The following GLT1D1 variants were observed in gnomAD, a reference collection of about 807,000 sequenced individuals.
GLT1D1 encodes glycosyltransferase 1 domain-containing protein 1.
A neutral mutation model predicts 28.7 loss-of-function variants in GLT1D1; 21 were observed. The ratio of observed to expected loss-of-function variants is 0.73; its 90% CI spans 0.52 to 1.05. GLT1D1 has a LOEUF of 1.05. GLT1D1 is among the 50% of genes least tolerant of loss of function. The pLI is 0.00. For synonymous variants in GLT1D1, 147 were observed against 124.8 expected (o/e 1.18, Z -1.19); for missense variants, 343 against 330.6 (o/e 1.04, Z -0.29).
chr12:128,907,624 T>A (rs916604915), intron 4 of GLT1D1, among the ~76,000 whole-genome samples: 2 of 152,138 alleles, frequency 1.3e-5, no homozygotes, highest in Admixed American at 1.3e-4. Context: ...TTTTAATAGC[T>A]TCTATGAAGG....
chr12:128,942,765 T>TTTTTC (rs1875483382), intron 4 of GLT1D1, among the ~76,000 whole-genome samples: 1 of 148,296 alleles, frequency 6.7e-6, no homozygotes, highest in Non-Finnish European at 1.5e-5. Flanking sequence ...TGTTTTTTTT[T>TTTTTC]TTTGAGACAG....
At chr12:128,975,539 G>C (rs652606) in intron 7 of GLT1D1, among the ~76,000 whole-genome samples, 80,349 of 151,828 alleles carry the variant, frequency 0.53, 21,502 homozygotes, top group Admixed American at 0.63. Context: ...CAACCTCCAG[G>C]TCCCTGGTTC....
chr12:128,931,015 A>T (rs551772), intron 4 of GLT1D1, among the ~76,000 whole-genome samples: 94,023 of 146,372 alleles, frequency 0.64, 30,156 homozygotes, highest in East Asian at 0.77. Context: ...TTTTTTTTTT[A>T]AAATGAGACG....
Position 128,919,160 on chromosome 12 carries a change from C to T in GLT1D1, c.375+19873C>T, listed in dbSNP as rs78207431. On this transcript the variant is annotated intron_variant, in intron 4 of 7. Transcript: ENST00000281703. ...CGTCTCTCAGGCTCTGGGGATGGGC[C>T]GTCCTCATCAACCTTACTCTATCTT... Among the ~76,000 whole-genome samples, 846 of 152,212 alleles carry T rather than the reference C, an allele frequency of 5.6e-3. 9 individuals carry two copies. The highest frequency in any genetic ancestry group is 0.02 in the African/African-American group (810 of 41,530).
chr12:128,907,144 C>T (rs866575852), intron 4 of GLT1D1, among the ~76,000 whole-genome samples: 1 of 152,128 alleles, frequency 6.6e-6, no homozygotes, highest in Admixed American at 6.6e-5. Context: ...GCAGCTGAAA[C>T]TACACAGACC....
At chr12:128,903,150 C>A (rs986038955) in intron 4 of GLT1D1, among the ~76,000 whole-genome samples, 2 of 151,742 alleles carry the variant, frequency 1.3e-5, no homozygotes, top group Admixed American at 6.6e-5. Context: ...CCTTGACCCT[C>A]CAGAATTGGC....
chr12:128,962,797 G>A (rs554107911), intron 7 of GLT1D1, among the ~76,000 whole-genome samples: 5 of 152,100 alleles, frequency 3.3e-5, no homozygotes, highest in African/African-American at 4.8e-5. Flanking sequence ...TGCCTCCCGG[G>A]TTCAAGTGAT....
At chr12:128,887,508 C>T (rs1441763352) in intron 2 of GLT1D1, among the ~76,000 whole-genome samples, 1 of 151,186 alleles carries the variant, frequency 6.6e-6, no homozygotes, top group Non-Finnish European at 1.5e-5. Flanking sequence ...CACACACACA[C>T]ACACACACAC....
chr12:128,890,162 GGA>G (rs1295523062), intron 3 of GLT1D1, among the ~76,000 whole-genome samples: 36 of 152,272 alleles, frequency 2.4e-4, no homozygotes, highest in African/African-American at 8.7e-4. Context: ...AACCCTGTAG[GGA>G]AAGTAACTCT....
At chr12:128,890,953 C>A (rs1366431535) in intron 3 of GLT1D1, among the ~76,000 whole-genome samples, 2 of 151,852 alleles carry the variant, frequency 1.3e-5, no homozygotes, top group Admixed American at 1.3e-4. Flanking sequence ...GAGCTGAGAT[C>A]GTGCCATTGC....
At chr12:128,929,969 C>A (rs1277599105) in intron 4 of GLT1D1, among the ~76,000 whole-genome samples, 4 of 151,144 alleles carry the variant, frequency 2.6e-5, no homozygotes, top group Non-Finnish European at 4.5e-5. Flanking sequence ...GAGCAAGATT[C>A]TGTTTCAAAA....
chr12:128,883,182 C>T (rs189999513), intron 2 of GLT1D1, among the ~76,000 whole-genome samples: 4 of 150,918 alleles, frequency 2.7e-5, no homozygotes, highest in African/African-American at 4.9e-5. Flanking sequence ...CCTGGGCCTC[C>T]CAAAGTGCTG....
chr12:128,874,050 T>A (rs1956773390), intron 1 of GLT1D1, among the ~76,000 whole-genome samples: 1 of 43,982 alleles, frequency 2.3e-5, no homozygotes, highest in Non-Finnish European at 3.8e-5. Context: ...CCTGCCTCCC[T>A]CCCTCCCTCC....
At chr12:128,929,490 A>G (rs1037823476) in intron 4 of GLT1D1, among the ~76,000 whole-genome samples, 5 of 152,196 alleles carry the variant, frequency 3.3e-5, no homozygotes, top group Admixed American at 3.3e-4. Context: ...ATCTGAGTGA[A>G]GCGAACTCTA....
At chr12:128,931,802 A>AG (rs1005932683) in intron 4 of GLT1D1, among the ~76,000 whole-genome samples, 2 of 152,174 alleles carry the variant, frequency 1.3e-5, no homozygotes, top group African/African-American at 4.8e-5. Flanking sequence ...TTTTATTTGA[A>AG]GGGGTGAATG....
chr12:128,928,267 C>G (rs779703131), intron 4 of GLT1D1, among the ~76,000 whole-genome samples: 37 of 152,146 alleles, frequency 2.4e-4, no homozygotes, highest in Non-Finnish European at 2.9e-4. Context: ...ATCTGTAAAT[C>G]CGAGAAACAC....
At chr12:128,864,944 T>C (rs1291469444) in intron 1 of GLT1D1, among the ~76,000 whole-genome samples, 1 of 152,166 alleles carries the variant, frequency 6.6e-6, no homozygotes, top group Non-Finnish European at 1.5e-5. Flanking sequence ...GAGCTGCTGG[T>C]AGCAGGACAG....
chr12:128,861,236 G>A (rs191315796), intron 1 of GLT1D1, among the ~76,000 whole-genome samples: 3 of 152,248 alleles, frequency 2.0e-5, no homozygotes, highest in African/African-American at 4.8e-5. Context: ...ACTATTATAC[G>A]CTTACGTGTT....
At chr12:128,974,130 G>A (rs923798952) in intron 7 of GLT1D1, among the ~76,000 whole-genome samples, 2 of 152,104 alleles carry the variant, frequency 1.3e-5, no homozygotes, top group Non-Finnish European at 2.9e-5. Flanking sequence ...AGGGCGCATA[G>A]GAATAGTCCA....
Sources: allele counts gnomAD v4.1 joint callset (sites outside exome capture counted in the v4.1 genomes callset), GRCh38; gene constraint gnomAD v4.1.1; transcripts MANE v1.5; gene names NCBI Gene and HGNC (gene_info 2026-07-23, HGNC 2026-07-21).